NLGN1: variants seen among roughly 807,000 people sequenced by gnomAD.
NLGN1 encodes the protein neuroligin 1.
Under a neutral mutation model 65.5 loss-of-function variants are expected in NLGN1, and 12 were observed. That is an observed-to-expected ratio of 0.18 (90% CI 0.12 to 0.30). The LOEUF (loss-of-function observed/expected upper bound fraction) is 0.30, where lower values mean the gene tolerates loss of function less well. Among genes scored for constraint, NLGN1 ranks in the 10% least tolerant of loss-of-function variants. NLGN1 has a pLI of 1.00. For missense variants in NLGN1, 750 were observed against 1,007.1 expected, an observed-to-expected ratio of 0.74 and a Z score of 3.46; for synonymous variants, 350 against 359.5, an observed-to-expected ratio of 0.97 and a Z score of 0.30.
chr3:173,516,010 A>T (rs144126070), intron 2 of NLGN1, among the ~76,000 whole-genome samples: 2 of 152,096 alleles, frequency 1.3e-5, no homozygotes, highest in African/African-American at 2.4e-5. Context: ...ATGAGAGACC[A>T]TATGATTTTT....
At chr3:173,471,011 T>C (rs2148926354) in intron 2 of NLGN1, among the ~76,000 whole-genome samples, 1 of 152,174 alleles carries the variant, frequency 6.6e-6, no homozygotes, top group Non-Finnish European at 1.5e-5. Flanking sequence ...TGCTCTGGAA[T>C]GAGCAAACAA....
At chr3:174,197,054 A>C (rs928726517) in intron 4 of NLGN1, among the ~76,000 whole-genome samples, 3 of 150,102 alleles carry the variant, frequency 2.0e-5, no homozygotes, top group African/African-American at 5.1e-5. Flanking sequence ...GCTGGGATGC[A>C]TGGATGGCAA....
chr3:174,045,823 G>A (rs2152495797), intron 4 of NLGN1, among the ~76,000 whole-genome samples: 1 of 152,242 alleles, frequency 6.6e-6, no homozygotes, highest in South Asian at 2.1e-4. Context: ...GTAGCCCAGA[G>A]TAAGTATGGA....
At chr3:173,493,544 T>C (rs968898929) in intron 2 of NLGN1, among the ~76,000 whole-genome samples, 1 of 151,928 alleles carries the variant, frequency 6.6e-6, no homozygotes, top group Admixed American at 6.6e-5. Flanking sequence ...TAACATTTTA[T>C]AGTGTTTACC....
At chr3:173,569,300 T>G (rs1744239703) in intron 2 of NLGN1, among the ~76,000 whole-genome samples, 1 of 152,140 alleles carries the variant, frequency 6.6e-6, no homozygotes, top group Admixed American at 6.5e-5. Context: ...CTTCAAAATC[T>G]ATTATAATAC....
intron 4 of NLGN1, among the ~76,000 whole-genome samples, chr3:173,955,792 A>G (rs1243477477): frequency 6.6e-6 from 1 of 152,152 alleles, no homozygotes; most frequent in Admixed American, 6.5e-5. Context: ...CCAAGATGTA[A>G]TCTAATGATG....
chr3:174,241,716 C>G (rs548008779), intron 4 of NLGN1, among the ~76,000 whole-genome samples: 8 of 151,578 alleles, frequency 5.3e-5, no homozygotes, highest in East Asian at 2.0e-4. Context: ...TGCAGTGGCA[C>G]GATCTCGGCT....
chr3:173,945,829 A>G (rs566248476), intron 4 of NLGN1, among the ~76,000 whole-genome samples: 7 of 152,284 alleles, frequency 4.6e-5, no homozygotes, highest in South Asian at 2.1e-4. Context: ...CAAGCTGTCA[A>G]TCTTCCACTC....
intron 4 of NLGN1, among the ~76,000 whole-genome samples, chr3:173,942,113 T>G (rs548355447): frequency 7.9e-6 from 1 of 126,126 alleles, no homozygotes; most frequent in South Asian, 2.6e-4. Flanking sequence ...GTTGGGGGTG[T>G]GTGTGTGTGT....
intron 3 of NLGN1, among the ~76,000 whole-genome samples, chr3:173,735,914 A>T (rs1773670199): frequency 2.0e-5 from 3 of 152,096 alleles, no homozygotes; most frequent in Non-Finnish European, 4.4e-5. Context: ...GTTGTGAGTC[A>T]TTCAAACATG....
chr3:174,096,282 A>G (rs1745506725), intron 4 of NLGN1, among the ~76,000 whole-genome samples: 1 of 151,060 alleles, frequency 6.6e-6, no homozygotes, highest in South Asian at 2.1e-4. Context: ...TGTTATTGAG[A>G]GGAACTAGGA....
At chr3:174,054,312 C>T (rs1735559709) in intron 4 of NLGN1, among the ~76,000 whole-genome samples, 1 of 152,004 alleles carries the variant, frequency 6.6e-6, no homozygotes, top group African/African-American at 2.4e-5. Flanking sequence ...ATTACACACA[C>T]ATGCAAGTAA....
chr3:173,494,059 T>C (rs1729608517), intron 2 of NLGN1, among the ~76,000 whole-genome samples: 1 of 151,680 alleles, frequency 6.6e-6, no homozygotes, highest in South Asian at 2.1e-4. Flanking sequence ...CTTTTATCTT[T>C]TTCATCTGTG....
At chr3:173,987,517 A>C (rs1560784344) in intron 4 of NLGN1, among the ~76,000 whole-genome samples, 1 of 152,218 alleles carries the variant, frequency 6.6e-6, no homozygotes, top group Admixed American at 6.5e-5. Context: ...ATAATGTGAA[A>C]AATAATAAGG....
intron 4 of NLGN1, among the ~76,000 whole-genome samples, chr3:174,224,852 A>G (rs34420267): frequency 0.31 from 47,453 of 152,014 alleles, 8,546 homozygotes; most frequent in Non-Finnish European, 0.39. Flanking sequence ...ATTTCAATAA[A>G]CAAGCTTTGC....
At chr3:173,994,983 G>A (rs1315801009) in intron 4 of NLGN1, among the ~76,000 whole-genome samples, 1 of 152,194 alleles carries the variant, frequency 6.6e-6, no homozygotes, top group African/African-American at 2.4e-5. Context: ...ATGGTTGTCA[G>A]TGTAAGTTTC....
intron 1 of NLGN1, among the ~76,000 whole-genome samples, chr3:173,414,892 G>A (rs1713362769): frequency 6.6e-6 from 1 of 152,194 alleles, no homozygotes; most frequent in Non-Finnish European, 1.5e-5. Flanking sequence ...AGACAGAGCA[G>A]GGAAGAGGCC....
chr3:173,627,545 G>A (rs1283304296), intron 3 of NLGN1, among the ~76,000 whole-genome samples: 1 of 151,986 alleles, frequency 6.6e-6, no homozygotes, highest in Non-Finnish European at 1.5e-5. Context: ...ATTTCCCATG[G>A]ATATATCTAC....
At chr3:174,017,211 A>G (rs1452582972) in intron 4 of NLGN1, among the ~76,000 whole-genome samples, 2 of 152,102 alleles carry the variant, frequency 1.3e-5, no homozygotes, top group African/African-American at 4.8e-5. Flanking sequence ...AGTTGACATA[A>G]TATTTAGCTT....
Sources: gnomAD v4.1 joint callset for allele counts (sites outside exome capture counted in the v4.1 genomes callset) on GRCh38, gnomAD v4.1.1 for gene constraint, MANE v1.5 for transcripts, NCBI Gene and HGNC (gene_info 2026-07-23, HGNC 2026-07-21) for gene names.